SEZ6: variants seen among roughly 807,000 people sequenced by gnomAD.
SEZ6 encodes seizure protein 6 homolog.
A neutral mutation model predicts 101.0 loss-of-function variants in SEZ6; 53 were observed. The ratio of observed to expected loss-of-function variants is 0.52; its 90% CI spans 0.42 to 0.66. The LOEUF is 0.66. Ranked by LOEUF, SEZ6 falls within the 30% of genes least tolerant of loss-of-function variation. The probability of loss-of-function intolerance (pLI) is 0.00; values close to 1 mark genes in which losing one functional copy is unlikely to be tolerated. For synonymous variants in SEZ6, 488 were observed against 512.2 expected, an observed-to-expected ratio of 0.95 and a Z score of 0.64; for missense variants, 1,102 against 1,289.4, an observed-to-expected ratio of 0.85 and a Z score of 2.23.
intron 4 of SEZ6, among the ~76,000 whole-genome samples, chr17:28,967,789 G>A (rs890533944): frequency 6.6e-6 from 1 of 152,100 alleles, no homozygotes; most frequent in African/African-American, 2.4e-5. Flanking sequence ...TAGGAGGCTG[G>A]GGGCAGACAA....
rs115406204 is a variant in SEZ6 at position 29,001,615 on chromosome 17, G to T, written c.55+4200C>A. 1.5e-3 allele frequency among the ~76,000 whole-genome samples: 225 copies of T among 152,348 alleles called. 2 individuals carry two copies. Among genetic ancestry groups the T allele is most frequent in the African/African-American group, 5.2e-3 (218 of 41,572 alleles). ...GAATTTCAGGCAGAAAGGCTGATAAGAGCCCAAAAGCTGTTGAGAACTTGG... is the reference window on the plus strand; with the variant it reads ...GAATTTCAGGCAGAAAGGCTGATAATAGCCCAAAAGCTGTTGAGAACTTGG... On this transcript the variant is annotated intron_variant, in intron 1 of 16. Transcript: ENST00000317338.
intron 4 of SEZ6, among the ~76,000 whole-genome samples, chr17:28,968,440 TTTTGTGCAAAGGAA>T (rs1242055810): frequency 1.3e-5 from 2 of 152,124 alleles, no homozygotes; most frequent in Admixed American, 1.3e-4. Context: ...AGGTCCGGAG[TTTTGTGCAAAGGAA>T]TTTGCAGCAA....
In SEZ6 at chr17:28,981,559, C is replaced by T; in HGVS notation, c.536G>A (p.Arg179Lys). 6.2e-6 allele frequency: 10 copies of T among 1,612,542 alleles called. No homozygotes were observed. The highest frequency in any genetic ancestry group is 8.5e-6 in the Non-Finnish European group (10 of 1,179,274). The change falls in exon 2 of 17, where the codon AGA becomes AAA. Residue 179 changes from arginine to lysine, a missense_variant. Physicochemically the swap from Arg to Lys is conservative, Grantham distance 26. Around this residue, in one of 3 missense-constraint regions of SEZ6, gnomAD observed 406 missense variants for 418.6 expected, o/e 0.97. Transcript: ENST00000317338. ...GEIASTTPPS[R>K]AWTPTQEGPG... Reference sequence around the variant, plus strand: ...ACCCTCTTGGGTTGGTGTCCAGGCTCTGCTGGGGGGTGTAGTGCTGGCTAT... The same window carrying T: ...ACCCTCTTGGGTTGGTGTCCAGGCTTTGCTGGGGGGTGTAGTGCTGGCTAT...
At chr17:29,002,936 A>G (rs2041634032) in intron 1 of SEZ6, among the ~76,000 whole-genome samples, 1 of 151,984 alleles carries the variant, frequency 6.6e-6, no homozygotes, top group Admixed American at 6.6e-5. Flanking sequence ...AGTAACCCAG[A>G]CTAGCCATCC....
At position 28,959,399 on chromosome 17, in the gene SEZ6, A is replaced by G; in HGVS notation, c.1845T>C (p.Arg615=). 1 of 1,613,852 alleles carries G rather than the reference A, an allele frequency of 6.2e-7. No individual in the cohort carries two copies. The highest frequency in any genetic ancestry group is 1.1e-5 in the South Asian group (1 of 91,074). The change falls in exon 9 of 17, where the codon CGT becomes CGC. Residue 615 remains arginine (R), a synonymous_variant. Coordinates refer to ENST00000317338, the MANE Select transcript of SEZ6 (RefSeq NM_178860.5). The surrounding 1 kb of genome is among the most constrained non-coding windows in gnomAD (Gnocchi z 4.4). ...GCACACCCCAGATACAATCCTGCCCACGACCGTAGGGCTCTGGCCAGTTGG... is the reference window on the plus strand; with the variant it reads ...GCACACCCCAGATACAATCCTGCCCGCGACCGTAGGGCTCTGGCCAGTTGG... ...LSPNWPEPYG[R]GQDCIWGVHV...
chr17:28,995,313 T>C (rs1433066009), intron 1 of SEZ6, among the ~76,000 whole-genome samples: 4 of 151,940 alleles, frequency 2.6e-5, no homozygotes, highest in Non-Finnish European at 5.9e-5. Flanking sequence ...TGTGAGCATA[T>C]TTGTTTGTGT....
At chr17:28,982,548 C>CAAGTTCATTTCCTGTTCTCAGA (rs2041323950) in intron 1 of SEZ6, among the ~76,000 whole-genome samples, 2 of 152,240 alleles carry the variant, frequency 1.3e-5, no homozygotes, top group South Asian at 4.1e-4. Context: ...ATAGGGCATT[C>CAAGTTCATTTCCTGTTCTCAGA]AAGTTCATTT....
intron 1 of SEZ6, among the ~76,000 whole-genome samples, chr17:28,996,010 C>CTT (rs1196667713): frequency 6.9e-6 from 1 of 145,842 alleles, no homozygotes. Flanking sequence ...GCCTTATTTC[C>CTT]TTTTTTTTTT....
At chr17:28,990,033 T>C (rs927243833) in intron 1 of SEZ6, among the ~76,000 whole-genome samples, 4 of 151,970 alleles carry the variant, frequency 2.6e-5, no homozygotes, top group Non-Finnish European at 5.9e-5. Flanking sequence ...GATAGCACCA[T>C]TGCACTCCAT....
At position 28,981,628 on chromosome 17, in the gene SEZ6, GGTAGGGGA is replaced by G; in HGVS notation, c.459_466del (p.Pro154SerfsTer65). The G allele has an allele frequency of 6.3e-7, 1 of 1,587,520 alleles. No homozygotes were observed. Among genetic ancestry groups the G allele is most frequent in the South Asian group, 1.1e-5 (1 of 88,618 alleles). ...GGGCACTGCCATGCTGGGCCCTGGAGGTAGGGGAGCTGTGATTCGAAGCATAGGGGACT... is the reference window on the plus strand; with the variant it reads ...GGGCACTGCCATGCTGGGCCCTGGAGGCTGTGATTCGAAGCATAGGGGACT... On this transcript the variant is annotated frameshift_variant, in exon 2 of 17. Transcript: ENST00000317338. LOFTEE classifies it high-confidence loss of function.
chr17:28,975,271 A>G (rs1217287465), intron 3 of SEZ6, among the ~76,000 whole-genome samples: 1 of 152,254 alleles, frequency 6.6e-6, no homozygotes, highest in Admixed American at 6.5e-5. Flanking sequence ...AGCAAGCAGC[A>G]GAGCCAAGAA....
intron 1 of SEZ6, among the ~76,000 whole-genome samples, chr17:28,993,146 TAATC>T (rs1483036085): frequency 1.3e-5 from 2 of 151,942 alleles, no homozygotes; most frequent in African/African-American, 2.4e-5. Context: ...GTCTGATAAA[TAATC>T]AATCTGCTGT....
At position 29,005,715 on chromosome 17, in the gene SEZ6, T is replaced by A. The variant is rs1040355394; in HGVS notation, c.55+100A>T. On this transcript the variant is annotated intron_variant, in intron 1 of 16. Transcript: ENST00000317338. This position sits in a 1 kb window ranked among gnomAD's most constrained non-coding sequence, Gnocchi z 4.8. ...AGCCGGCGGGGCGCGGTGCTTGGAC[T>A]GGGCAGCCAGATGCCCGAAGCTGGG... 8.0e-6 allele frequency: 10 copies of A among 1,250,524 alleles called. No homozygotes were observed. The African/African-American group carries it at 1.6e-4, about 20-fold the overall frequency. The allele number at this position is 1,250,524 out of a possible 1,614,324, so 77.5% of individuals were successfully genotyped here.
intron 1 of SEZ6, among the ~76,000 whole-genome samples, chr17:28,991,760 A>T (rs1270907331): frequency 6.6e-6 from 1 of 152,130 alleles, no homozygotes; most frequent in African/African-American, 2.4e-5. Context: ...GCCTCGGGGA[A>T]CTGGGCGTAG....
intron 3 of SEZ6, among the ~76,000 whole-genome samples, chr17:28,975,118 C>T (rs2152687641): frequency 6.6e-6 from 1 of 152,320 alleles, no homozygotes; most frequent in Middle Eastern, 3.4e-3. Context: ...GTGGGCCACA[C>T]CCTGGTAAAA....
At chr17:28,958,282 T>G (rs933667912) in intron 10 of SEZ6, 141 bp from the exon 11 acceptor site, 1 of 906,420 alleles carries the variant, frequency 1.1e-6, no homozygotes, top group Non-Finnish European at 1.6e-6. Flanking sequence ...CATTCCTCCC[T>G]GCTCAAGGGC....
At chr17:28,996,147 G>A (rs1394819267) in intron 1 of SEZ6, among the ~76,000 whole-genome samples, 1 of 151,554 alleles carries the variant, frequency 6.6e-6, no homozygotes, top group Non-Finnish European at 1.5e-5. Flanking sequence ...ACTACAGCGG[G>A]TGCCTGTAGT....
intron 1 of SEZ6, among the ~76,000 whole-genome samples, chr17:28,984,967 C>T (rs2041357970): frequency 6.6e-6 from 1 of 152,166 alleles, no homozygotes; most frequent in Admixed American, 6.5e-5. Context: ...CAGGCCCTTC[C>T]CAGACCTTGT....
At chr17:28,998,105 G>C (rs1337255883) in intron 1 of SEZ6, among the ~76,000 whole-genome samples, 1 of 152,022 alleles carries the variant, frequency 6.6e-6, no homozygotes, top group Non-Finnish European at 1.5e-5. Flanking sequence ...AGAGAGGAAG[G>C]GAGGGAAGGA....
Sources: allele counts gnomAD v4.1 joint callset (sites outside exome capture counted in the v4.1 genomes callset), GRCh38; gene constraint gnomAD v4.1.1; regional missense constraint gnomAD v4.1.1; non-coding constraint Gnocchi (gnomAD v3.1); transcripts MANE v1.5; gene names NCBI Gene and HGNC (gene_info 2026-07-23, HGNC 2026-07-21).